The following FLVCR1 variants were observed in gnomAD, a reference collection of about 807,000 sequenced individuals.
FLVCR1 encodes the protein choline/ethanolamine transporter FLVCR1.
A neutral mutation model predicts 53.6 loss-of-function variants in FLVCR1; 34 were observed. The observed-to-expected ratio is 0.63, with a 90% CI of 0.48 to 0.84. FLVCR1 has a LOEUF of 0.84. Among genes scored for constraint, FLVCR1 ranks in the 40% least tolerant of loss-of-function variants. The probability of loss-of-function intolerance (pLI) is 0.00; values close to 1 mark genes in which losing one functional copy is unlikely to be tolerated. For synonymous variants in FLVCR1, 300 were observed against 286.3 expected, an observed-to-expected ratio of 1.05 and a Z score of -0.48; for missense variants, 677 against 696.7, an observed-to-expected ratio of 0.97 and a Z score of 0.32.
chr1:212,869,413 T>C (rs1558111162), intron 2 of FLVCR1, among the ~76,000 whole-genome samples: 2 of 152,256 alleles, frequency 1.3e-5, no homozygotes, highest in Admixed American at 1.3e-4. Context: ...AGTTCGACTT[T>C]CCTACAACAT....
chr1:212,883,536 A>G, intron 4 of FLVCR1, 98 bp downstream of exon 4: 8 of 689,386 alleles, frequency 1.2e-5, no homozygotes, highest in Non-Finnish European at 2.6e-6. Context: ...GGGTTATGAC[A>G]TTGTTGCTAT....
chr1:212,860,217 C>T (rs1008676099), intron 1 of FLVCR1, among the ~76,000 whole-genome samples: 12 of 152,090 alleles, frequency 7.9e-5, no homozygotes, highest in East Asian at 1.9e-4. Flanking sequence ...TAGTCATTTC[C>T]CTTATCTAAA....
chr1:212,881,318 T>TTC (rs1664922264), intron 3 of FLVCR1, among the ~76,000 whole-genome samples: 2 of 142,296 alleles, frequency 1.4e-5, no homozygotes, highest in Non-Finnish European at 3.1e-5. Context: ...TTTTTTTTTT[T>TTC]TGAGACAGAG....
At chr1:212,889,593 C>T (rs1487706046) in intron 8 of FLVCR1, among the ~76,000 whole-genome samples, 1 of 151,888 alleles carries the variant, frequency 6.6e-6, no homozygotes, top group South Asian at 2.1e-4. Context: ...ATGGCGAAAC[C>T]CCGTCTCTAC....
At chr1:212,894,451 C>T (rs1011786802) in intron 8 of FLVCR1, among the ~76,000 whole-genome samples, 1 of 152,182 alleles carries the variant, frequency 6.6e-6, no homozygotes, top group Non-Finnish European at 1.5e-5. Flanking sequence ...CCACGCCCAG[C>T]AATATTCACT....
intron 5 of FLVCR1, 113 bp from the exon 6 acceptor site, chr1:212,887,777 GA>G (rs1166756169): frequency 2.5e-5 from 16 of 645,730 alleles, no homozygotes; most frequent in Non-Finnish European, 3.4e-5. Flanking sequence ...CCATGGACAA[GA>G]AGGGGTGAAC....
chr1:212,860,657 A>G (rs1363163450), intron 1 of FLVCR1, among the ~76,000 whole-genome samples: 1 of 152,016 alleles, frequency 6.6e-6, no homozygotes, highest in African/African-American at 2.4e-5. Context: ...TTACATGTTC[A>G]TATGTTACTT....
At chr1:212,889,742 C>T (rs949463009) in intron 8 of FLVCR1, among the ~76,000 whole-genome samples, 3 of 120,734 alleles carry the variant, frequency 2.5e-5, no homozygotes, top group East Asian at 2.5e-4. Context: ...TGGGCAACAG[C>T]GAGACTCTGT....
chr1:212,877,353 C>T (rs1416504303), intron 3 of FLVCR1, among the ~76,000 whole-genome samples: 1 of 151,988 alleles, frequency 6.6e-6, no homozygotes, highest in Non-Finnish European at 1.5e-5. Flanking sequence ...GCTGGGACTA[C>T]AGGCACCCGC....
intron 3 of FLVCR1, among the ~76,000 whole-genome samples, chr1:212,882,576 C>T (rs904133311): frequency 6.6e-6 from 1 of 151,974 alleles, no homozygotes; most frequent in Non-Finnish European, 1.5e-5. Context: ...TTGCCAAATC[C>T]GGGTGATATA....
At chr1:212,866,550 T>C (rs1664438717) in intron 2 of FLVCR1, among the ~76,000 whole-genome samples, 1 of 152,080 alleles carries the variant, frequency 6.6e-6, no homozygotes, top group Non-Finnish European at 1.5e-5. Flanking sequence ...GCATGTAAGA[T>C]ATCACGAAAT....
intron 5 of FLVCR1, 108 bp downstream of exon 5, chr1:212,885,504 T>G: frequency 1.3e-6 from 1 of 784,290 alleles, no homozygotes. Context: ...TACTTAAAGA[T>G]ACGGATTCTA....
intron 1 of FLVCR1, among the ~76,000 whole-genome samples, chr1:212,861,164 A>C (rs10779586): frequency 0.46 from 70,432 of 151,984 alleles, 17,554 homozygotes; most frequent in Non-Finnish European, 0.56. Context: ...CTTTATCTGT[A>C]TGCACAACCC....
At chr1:212,869,949 G>T (rs1664548348) in intron 2 of FLVCR1, 1 of 152,216 alleles carries the variant, frequency 6.6e-6, no homozygotes, top group African/African-American at 2.4e-5. Context: ...AAATACCCAT[G>T]ACTACCTTGT....
Position 212,889,183 on chromosome 1 carries a change from T to C in FLVCR1, c.1451T>C (p.Leu484Pro). The C allele has an allele frequency of 6.2e-7, 1 of 1,613,848 alleles. No homozygotes were observed. The highest frequency in any genetic ancestry group is 8.5e-7 in the Non-Finnish European group (1 of 1,179,756). Residue 484 changes from leucine to proline, a missense_variant, in exon 8 of 10, where the codon CTC becomes CCC. Transcript: ENST00000366971. ...TTGTTCACATTGGCTCAAGGAAAGC[T>C]CACATCAGACTATGGTCCTAAGGCA... ...GILFTLAQGK[L>P]TSDYGPKAGN...
rs1665413195 is a variant in FLVCR1 at position 212,899,212 on chromosome 1, T to C, written c.*3922T>C. ...GAGAGATGTCTTTAAAAAATATGTT[T>C]GTGTGTAAAAATGTGTCTGTATGCA... On this transcript the variant is annotated 3_prime_UTR_variant, in exon 10 of 10. Coordinates refer to ENST00000366971, the MANE Select transcript of FLVCR1 (RefSeq NM_014053.4). The C allele has an allele frequency of 6.6e-6, 1 of 152,252 alleles. No homozygotes were observed. Among genetic ancestry groups the C allele is most frequent in the South Asian group, 2.1e-4 (1 of 4,832 alleles). 9.4% of individuals were successfully genotyped at this position (152,252 alleles called of 1,614,324 possible). A position where few individuals can be genotyped will look rare whatever the true frequency, so the allele number is the denominator to read the frequency against.
chr1:212,863,141 C>CT (rs1350658841), intron 1 of FLVCR1, among the ~76,000 whole-genome samples: 3 of 152,122 alleles, frequency 2.0e-5, no homozygotes, highest in Non-Finnish European at 2.9e-5. Flanking sequence ...TCTTATTCCC[C>CT]TTTTGTAAGC....
At chr1:212,863,209 G>A (rs1664297544) in intron 1 of FLVCR1, among the ~76,000 whole-genome samples, 1 of 152,162 alleles carries the variant, frequency 6.6e-6, no homozygotes, top group Non-Finnish European at 1.5e-5. Context: ...TCACTCAGAT[G>A]GTAGGAACTC....
chr1:212,874,224 G>A (rs1664688353), intron 3 of FLVCR1, among the ~76,000 whole-genome samples: 1 of 152,160 alleles, frequency 6.6e-6, no homozygotes, highest in Non-Finnish European at 1.5e-5. Flanking sequence ...GGCCAGGCTG[G>A]TCTCAAACTC....
Sources: gnomAD v4.1 joint callset for allele counts (sites outside exome capture counted in the v4.1 genomes callset) on GRCh38, gnomAD v4.1.1 for gene constraint, MANE v1.5 for transcripts, NCBI Gene and HGNC (gene_info 2026-07-23, HGNC 2026-07-21) for gene names.